The following AKNAD1 variants were observed in gnomAD, a reference collection of about 807,000 sequenced individuals.
AKNAD1 encodes the protein protein AKNAD1.
AKNAD1 carries 67 observed loss-of-function variants against 90.8 expected under a neutral mutation model. That is an observed-to-expected ratio of 0.74 (90% confidence interval 0.61 to 0.90). The LOEUF (loss-of-function observed/expected upper bound fraction) is 0.90. Ranked by LOEUF, AKNAD1 falls within the 40% of genes least tolerant of loss-of-function variation. The pLI is 0.00. For synonymous variants in AKNAD1, 327 were observed against 341.4 expected, an observed-to-expected ratio of 0.96 and a Z score of 0.46; for missense variants, 957 against 975.4, an observed-to-expected ratio of 0.98 and a Z score of 0.25.
chr1:108,816,682 C>T (rs1332431065), intron 15 of AKNAD1, among the ~76,000 whole-genome samples: 1 of 152,032 alleles, frequency 6.6e-6, no homozygotes, highest in Non-Finnish European at 1.5e-5. Flanking sequence ...CGTATGGAAA[C>T]ATTTGAAAGT....
At chr1:108,821,394 T>C (rs1455624016) in intron 13 of AKNAD1, among the ~76,000 whole-genome samples, 2 of 152,064 alleles carry the variant, frequency 1.3e-5, no homozygotes, top group African/African-American at 4.8e-5. Flanking sequence ...GAGGTTGCAG[T>C]GAGCCAAGAT....
At chr1:108,824,943 A>C (rs1663945844) in intron 11 of AKNAD1, among the ~76,000 whole-genome samples, 1 of 151,640 alleles carries the variant, frequency 6.6e-6, no homozygotes, top group Non-Finnish European at 1.5e-5. Context: ...TAGTGATGGC[A>C]TATAACTTCC....
intron 6 of AKNAD1, among the ~76,000 whole-genome samples, chr1:108,839,538 C>T (rs1211566714): frequency 6.8e-6 from 1 of 148,026 alleles, no homozygotes; most frequent in African/African-American, 2.5e-5. Context: ...TATTTATTAA[C>T]ATATTCCACT....
At chr1:108,823,129 C>A in intron 13 of AKNAD1, 1 of 708,954 alleles carries the variant, frequency 1.4e-6, no homozygotes, top group Non-Finnish European at 2.6e-6. Flanking sequence ...TGGTGTAGCC[C>A]TTAATAACTT....
At position 108,850,118 on chromosome 1, in the gene AKNAD1, T is replaced by C. The variant is rs116370849; in HGVS notation, c.994-542A>G. On this transcript the variant is annotated intron_variant, in intron 2 of 15. Coordinates refer to ENST00000370001, the MANE Select transcript of AKNAD1 (RefSeq NM_152763.5). ...AACTGTGTGTCAAGATAGTGATGGT[T>C]TTCTACTCACCACTGGCTAATTGAA... Among the ~76,000 whole-genome samples the C allele has an allele frequency of 4.0e-3, 605 of 152,290 alleles. 1 individual carries two copies. The highest frequency in any genetic ancestry group is 0.013 in the African/African-American group (555 of 41,552).
rs1392546552 is a variant in AKNAD1, at chr1:108,830,863, T to C, written c.1747-213A>G. On this transcript the variant is annotated intron_variant, in intron 9 of 15. Transcript: ENST00000370001. The stretch of plus-strand genomic sequence containing the variant: ...CCCATCCTTAGTTCTGATGTGTCAC[T>C]CAGTCGGGGCTGCGCCTCTAATGGC... The C allele has an allele frequency of 1.0e-5, 6 of 595,050 alleles. No homozygotes were observed. The East Asian group carries it at 1.7e-4, about 17-fold the overall frequency. 36.9% of individuals were successfully genotyped at this position (595,050 alleles called of 1,614,324 possible). A position where few individuals can be genotyped will look rare whatever the true frequency, so the allele number is the denominator to read the frequency against.
intron 5 of AKNAD1, among the ~76,000 whole-genome samples, chr1:108,846,619 C>G (rs561241813): frequency 1.1e-4 from 16 of 152,222 alleles, no homozygotes; most frequent in Middle Eastern, 6.8e-3. Context: ...TCTCCGCCTC[C>G]GCTCCTCCCC....
At position 108,837,550 on chromosome 1, in the gene AKNAD1, C is replaced by T; in HGVS notation, c.1536G>A (p.Glu512=). 1 of 1,613,904 alleles carries T rather than the reference C, an allele frequency of 6.2e-7. No homozygotes were observed. The highest frequency in any genetic ancestry group is 1.1e-5 in the South Asian group (1 of 91,064). Residue 512 remains glutamate (E), a splice_region_variant and synonymous_variant, in exon 7 of 16, where the codon GAG becomes GAA. Transcript: ENST00000370001. ...ATTAGACTGTACATTGCTGTATTAC[C>T]TCATTTGAGAGTGAAGAGAAGGTGG... ...LASTFSSLSN[E]IPKEHPGHPS...
chr1:108,818,552 T>C (rs1663702934), intron 14 of AKNAD1, among the ~76,000 whole-genome samples: 1 of 152,190 alleles, frequency 6.6e-6, no homozygotes, highest in African/African-American at 2.4e-5. Context: ...AAGTGCTTTA[T>C]ATGTATGGAC....
Position 108,837,586 on chromosome 1 carries a change from A to G in AKNAD1, c.1500T>C (p.Asp500=), listed in dbSNP as rs1330677468. 1.2e-6 allele frequency: 2 copies of G among 1,614,194 alleles called. No individual in the cohort carries two copies. Among genetic ancestry groups the G allele is most frequent in the East Asian group, 2.2e-5 (1 of 44,876 alleles). Residue 500 remains aspartate (D), a synonymous_variant, in exon 7 of 16, where the codon GAT becomes GAC. Coordinates refer to ENST00000370001, the MANE Select transcript of AKNAD1 (RefSeq NM_152763.5). ...SLPVSSPVTL[D]DLASTFSSLS... ...GTGAAGAGAAGGTGGAGGCCAAGTCATCCAGGGTAACTGGAGAACTCACAG... is the reference window on the plus strand; with the variant it reads ...GTGAAGAGAAGGTGGAGGCCAAGTCGTCCAGGGTAACTGGAGAACTCACAG...
At chr1:108,850,999 G>A (rs147007757) in intron 2 of AKNAD1, among the ~76,000 whole-genome samples, 3 of 152,138 alleles carry the variant, frequency 2.0e-5, no homozygotes, top group African/African-American at 7.2e-5. Context: ...CATTACTAAC[G>A]ATCTTAATTC....
At chr1:108,842,339 G>A (rs1284003476) in intron 6 of AKNAD1, among the ~76,000 whole-genome samples, 1 of 152,104 alleles carries the variant, frequency 6.6e-6, no homozygotes, top group East Asian at 1.9e-4. Context: ...CAAATATTAA[G>A]CCTACTAAAT....
At chr1:108,824,032 T>C (rs1044688623) in intron 11 of AKNAD1, among the ~76,000 whole-genome samples, 1 of 152,244 alleles carries the variant, frequency 6.6e-6, no homozygotes, top group Admixed American at 6.5e-5. Context: ...TTTCCATAGT[T>C]GGCCTGATAC....
chr1:108,848,690 T>C (rs1308353936), intron 5 of AKNAD1, 62 bp downstream of exon 5: 2 of 1,414,530 alleles, frequency 1.4e-6, no homozygotes, highest in African/African-American at 2.9e-5. Flanking sequence ...TATAAAGTTA[T>C]TTATCTTTAT....
intron 1 of AKNAD1, among the ~76,000 whole-genome samples, chr1:108,855,763 G>A (rs771751380): frequency 1.3e-5 from 2 of 151,412 alleles, no homozygotes; most frequent in Non-Finnish European, 2.9e-5. Flanking sequence ...TCCAGCCTGA[G>A]CAACAGCAAG....
chr1:108,816,990 G>C (rs1663632496), intron 15 of AKNAD1, 58 bp downstream of exon 15: 1 of 1,592,708 alleles, frequency 6.3e-7, no homozygotes, highest in Non-Finnish European at 8.6e-7. Flanking sequence ...AGTTCTGTGG[G>C]CATCAAGATC....
At chr1:108,853,136 C>CTTTTTTTTTTTTTTTTTTTT (rs889504364) in intron 1 of AKNAD1, among the ~76,000 whole-genome samples, 1 of 133,548 alleles carries the variant, frequency 7.5e-6, no homozygotes, top group Non-Finnish European at 1.6e-5. Flanking sequence ...TTTCTTTTTT[C>CTTTTTTTTTTTTTTTTTTTT]TTTTTTTTTT....
chr1:108,841,861 A>G (rs554264044), intron 6 of AKNAD1, among the ~76,000 whole-genome samples: 18 of 152,230 alleles, frequency 1.2e-4, no homozygotes, highest in African/African-American at 4.3e-4. Context: ...CCCAGTGTTG[A>G]AAGCTTCTCC....
In AKNAD1 at chr1:108,851,661, G is replaced by C; in HGVS notation, c.993+11C>G. 1.3e-6 allele frequency: 2 copies of C among 1,570,340 alleles called. No individual in the cohort carries two copies. Among genetic ancestry groups the C allele is most frequent in the Non-Finnish European group, 1.7e-6 (2 of 1,163,774 alleles). ...CCAATTAATGTGTTTACAGGAGACT[G>C]TTTCATTTACCTGGATTTGTTGTGA... On this transcript the variant is annotated intron_variant, in intron 2 of 15. Transcript: ENST00000370001.
Sources: gnomAD v4.1 joint callset for allele counts (sites outside exome capture counted in the v4.1 genomes callset) on GRCh38, gnomAD v4.1.1 for gene constraint, MANE v1.5 for transcripts, NCBI Gene and HGNC (gene_info 2026-07-23, HGNC 2026-07-21) for gene names.